Variants in ADGRG1 observed in about 807,000 individuals in gnomAD.
ADGRG1 encodes 7-transmembrane protein with no EGF-like N-terminal domains-1.
In ADGRG1, 53 loss-of-function variants were observed where a neutral mutation model predicts 73.5. That is an observed-to-expected ratio of 0.72 (90% CI 0.58 to 0.91). ADGRG1 has a LOEUF of 0.91. Ranked by LOEUF, ADGRG1 falls within the 40% of genes least tolerant of loss-of-function variation. The probability of loss-of-function intolerance (pLI) is 0.00; values close to 1 mark genes in which losing one functional copy is unlikely to be tolerated. For synonymous variants in ADGRG1, 394 were observed against 374.4 expected, an observed-to-expected ratio of 1.05 and a Z score of -0.60; for missense variants, 795 against 871.8, an observed-to-expected ratio of 0.91 and a Z score of 1.11.
chr16:57,653,301 G>C lies in ADGRG1; in HGVS notation c.586G>C (p.Ala196Pro). The C allele has an allele frequency of 6.2e-7, 1 of 1,612,092 alleles. No individual in the cohort carries two copies. Among genetic ancestry groups the C allele is most frequent in the Non-Finnish European group, 8.5e-7 (1 of 1,179,968 alleles). The change falls in exon 4 of 14, where the codon GCC becomes CCC. Residue 196 changes from alanine to proline, a missense_variant. Transcript: ENST00000562631. Reference sequence around the variant, plus strand: ...CCAGTTCCTGAAGCATCCCCAGAAGGCCTCAAGGAGGCCCTCGGCTGCCCC... The same window carrying C: ...CCAGTTCCTGAAGCATCCCCAGAAGCCCTCAAGGAGGCCCTCGGCTGCCCC... ...LSQFLKHPQK[A>P]SRRPSAAPAS...
chr16:57,634,931 G>A (rs1234763814), intron 1 of ADGRG1: 2 of 984,822 alleles, frequency 2.0e-6, no homozygotes, highest in African/African-American at 3.5e-5. Context: ...TGTCTGGCAA[G>A]GTTCTTCCAA....
chr16:57,636,186 G>A (rs1223148149), intron 1 of ADGRG1: 5 of 985,304 alleles, frequency 5.1e-6, no homozygotes, highest in Middle Eastern at 5.2e-4. Context: ...CCTTAGGCCC[G>A]AACCACAGGA....
chr16:57,646,708 T>C, intron 1 of ADGRG1: 1 of 984,246 alleles, frequency 1.0e-6, no homozygotes, highest in East Asian at 1.1e-4. Context: ...GGGGGAGACT[T>C]GGCACCACGC....
chr16:57,648,439 T>C (rs1393891609), intron 1 of ADGRG1: 3 of 982,056 alleles, frequency 3.1e-6, no homozygotes, highest in Non-Finnish European at 3.6e-6. Flanking sequence ...ATGTGCCTAT[T>C]TGACCTACGA....
In ADGRG1 at chr16:57,663,657, G is replaced by A. The variant is rs1298582133; in HGVS notation, c.*75G>A. The stretch of plus-strand genomic sequence containing the variant: ...CACACTGCCTGTGGCCCCCGAGCCC[G>A]GCCCAGCCCCAGGCCAGTCAGCCGC... On this transcript the variant is annotated 3_prime_UTR_variant, in exon 14 of 14. Transcript: ENST00000562631. The A allele has an allele frequency of 1.6e-5, 24 of 1,518,326 alleles. No homozygotes were observed. The Admixed American group carries it at 2.7e-4, about 17-fold the overall frequency. 94.1% of individuals were successfully genotyped at this position (1,518,326 alleles called of 1,614,324 possible).
chr16:57,630,320 T>C, intron 1 of ADGRG1: 13 of 978,136 alleles, frequency 1.3e-5, no homozygotes, highest in Non-Finnish European at 1.6e-5. Flanking sequence ...TTGGGCTCTT[T>C]CCTGCCAATG....
chr16:57,664,414 T>C lies in ADGRG1; in HGVS notation c.*832T>C, dbSNP rs74520836. 1,434 of 152,476 alleles carry C rather than the reference T, an allele frequency of 9.4e-3. 59 individuals are homozygous for C. The East Asian group carries it at 0.13, about 14-fold the overall frequency. The allele number at this position is 152,476 out of a possible 1,614,324, so 9.4% of individuals were successfully genotyped here. On this transcript the variant is annotated 3_prime_UTR_variant, in exon 14 of 14. Transcript: ENST00000562631. ...CTAGGTCCCTCTGTCCATCTGGGCC[T>C]TTGTATGAGCTGCATTGCCCTTGCT... is the stretch of plus-strand genomic sequence containing the variant.
In ADGRG1 at chr16:57,656,289, T is replaced by C; in HGVS notation, c.1063+18T>C. 1 of 1,545,008 alleles carries C rather than the reference T, an allele frequency of 6.5e-7. No homozygotes were observed. Among genetic ancestry groups the C allele is most frequent in the East Asian group, 2.5e-5 (1 of 39,282 alleles). On this transcript the variant is annotated intron_variant, in intron 8 of 13. Transcript: ENST00000562631. ...CCCCACATGTGAGTATGCAGGGGTC[T>C]CTGGGCTGGACAAGTATCTGGAAGA...
chr16:57,634,035 C>T (rs1262847306), intron 1 of ADGRG1: 1 of 982,490 alleles, frequency 1.0e-6, no homozygotes, highest in African/African-American at 1.7e-5. Context: ...GAACCGCCGA[C>T]CTTTCAAAGG....
At chr16:57,630,939 G>T in intron 1 of ADGRG1, 6 of 985,184 alleles carry the variant, frequency 6.1e-6, no homozygotes, top group Non-Finnish European at 7.2e-6. Context: ...GGGACTTGAT[G>T]AGCCAGGCCA....
upstream of ADGRG1, chr16:57,624,030 C>A (rs2035374470): frequency 3.8e-6 from 1 of 263,432 alleles, no homozygotes; most frequent in Non-Finnish European, 5.9e-6. Flanking sequence ...CTGCAAACTG[C>A]AAATGGTGGA....
At chr16:57,658,906 A>C (rs1302411083) in intron 10 of ADGRG1, 3 of 943,172 alleles carry the variant, frequency 3.2e-6, no homozygotes, top group South Asian at 4.9e-5. Context: ...TGGGGCCTGC[A>C]TGTTCTGCTG....
At chr16:57,634,211 G>A (rs1326885221) in intron 1 of ADGRG1, 7 of 985,300 alleles carry the variant, frequency 7.1e-6, no homozygotes, top group Non-Finnish European at 7.2e-6. Flanking sequence ...GGCTGAGTCT[G>A]GGCCTCAGGG....
Position 57,657,508 on chromosome 16 carries a change from G to A in ADGRG1, c.1286+17G>A, listed in dbSNP as rs1471667561. 2.5e-6 allele frequency: 4 copies of A among 1,582,964 alleles called. No homozygotes were observed. Among genetic ancestry groups the A allele is most frequent in the Non-Finnish European group, 3.5e-6 (4 of 1,152,354 alleles). On this transcript the variant is annotated intron_variant, in intron 10 of 13. Coordinates refer to ENST00000562631, the MANE Select transcript of ADGRG1 (RefSeq NM_201525.4). ...CTGCTCCAGGTGAGGCCTGAAAGGG[G>A]TGGGACAGGGGAGGGGACCCTCCAT... is the stretch of plus-strand genomic sequence containing the variant.
intron 2 of ADGRG1, among the ~76,000 whole-genome samples, chr16:57,622,544 G>A (rs1285998311): frequency 1.3e-5 from 2 of 152,300 alleles, no homozygotes; most frequent in South Asian, 2.1e-4. Context: ...ACTTCTGGAC[G>A]CCCAGCCGTG....
chr16:57,663,487 C>T lies in ADGRG1; in HGVS notation c.1969C>T (p.Leu657=). 1 of 1,614,038 alleles carries T rather than the reference C, an allele frequency of 6.2e-7. No homozygotes were observed. The highest frequency in any genetic ancestry group is 2.2e-5 in the East Asian group (1 of 44,878). The change falls in exon 14 of 14, where the codon CTG becomes TTG. Residue 657 remains leucine, a synonymous_variant. Coordinates refer to ENST00000562631, the MANE Select transcript of ADGRG1 (RefSeq NM_201525.4). ...LIFIWYWSMR[L]QARGGPSPLK... is the part of the protein sequence containing the mutation. ...CTTCATCTGGTACTGGTCCATGCGGCTGCAGGCCCGGGGTGGCCCCTCCCC... is the reference window on the plus strand; with the variant it reads ...CTTCATCTGGTACTGGTCCATGCGGTTGCAGGCCCGGGGTGGCCCCTCCCC...
Position 57,653,944 on chromosome 16 carries a change from GC to G in ADGRG1, c.621-37del, listed in dbSNP as rs1339688435. ...CTGCCTCAGTCTCCCTGGTGGCCCG[GC>G]CCCCTCCCCACCATCACCACCGCTT... On this transcript the variant is annotated intron_variant, in intron 4 of 13. Transcript: ENST00000562631. 8 of 1,612,228 alleles carry G rather than the reference GC, an allele frequency of 5.0e-6. No individual in the cohort carries two copies. The East Asian group carries it at 6.7e-5, about 13-fold the overall frequency.
At chr16:57,657,763 CAG>C (rs1252203026) in intron 10 of ADGRG1, among the ~76,000 whole-genome samples, 1 of 151,928 alleles carries the variant, frequency 6.6e-6, no homozygotes, top group Non-Finnish European at 1.5e-5. Flanking sequence ...TTTTTTGAGA[CAG>C]AGCCTTGCCT....
intron 11 of ADGRG1, chr16:57,660,124 T>C: frequency 3.1e-6 from 1 of 323,806 alleles, no homozygotes; most frequent in South Asian, 1.2e-4. Flanking sequence ...CCAATGACTG[T>C]TCAATTCACC....
Sources: gnomAD v4.1 joint callset for allele counts (sites outside exome capture counted in the v4.1 genomes callset) on GRCh38, gnomAD v4.1.1 for gene constraint, MANE v1.5 for transcripts, NCBI Gene and HGNC (gene_info 2026-07-23, HGNC 2026-07-21) for gene names.